NFIA: variants seen among roughly 807,000 people sequenced by gnomAD.
The protein encoded by NFIA is nuclear factor 1 A-type.
Under a neutral mutation model 62.8 loss-of-function variants are expected in NFIA, and 8 were observed. The observed-to-expected ratio is 0.13, with a 90% CI of 0.07 to 0.23. NFIA has a LOEUF of 0.23. Among genes scored for constraint, NFIA ranks in the 10% least tolerant of loss-of-function variants. The pLI is 1.00. For synonymous variants in NFIA, 235 were observed against 238.1 expected (o/e 0.99, Z 0.12); for missense variants, 410 against 642.1 (o/e 0.64, Z 3.91).
chr1:61,409,650 C>T (rs1666008150), intron 9 of NFIA, among the ~76,000 whole-genome samples: 1 of 152,142 alleles, frequency 6.6e-6, no homozygotes, highest in Non-Finnish European at 1.5e-5. Flanking sequence ...AGGGCACTTC[C>T]TAACACTGAA....
At chr1:61,424,502 A>G (rs930530212) in intron 9 of NFIA, among the ~76,000 whole-genome samples, 2 of 152,000 alleles carry the variant, frequency 1.3e-5, no homozygotes, top group African/African-American at 4.8e-5. Context: ...TCAAACATGG[A>G]CTCACGTTTC....
chr1:61,375,037 A>G (rs1285201137), intron 6 of NFIA, among the ~76,000 whole-genome samples: 1 of 152,210 alleles, frequency 6.6e-6, no homozygotes, highest in Non-Finnish European at 1.5e-5. Context: ...TTATGCTCAC[A>G]AGAACAGAAT....
At chr1:61,279,585 C>A (rs1019821813) in intron 3 of NFIA, among the ~76,000 whole-genome samples, 1 of 152,006 alleles carries the variant, frequency 6.6e-6, no homozygotes, top group Non-Finnish European at 1.5e-5. Context: ...TGTGCATAAT[C>A]TCCCTAAAGA....
At chr1:61,413,234 A>G (rs916138831) in intron 9 of NFIA, among the ~76,000 whole-genome samples, 5 of 152,192 alleles carry the variant, frequency 3.3e-5, no homozygotes, top group South Asian at 2.1e-4. Context: ...GTATATATTC[A>G]TTATACAAAT....
chr1:61,182,319 C>G (rs1650810982), intron 2 of NFIA, among the ~76,000 whole-genome samples: 1 of 152,156 alleles, frequency 6.6e-6, no homozygotes, highest in Non-Finnish European at 1.5e-5. Flanking sequence ...GGAAGCTGGA[C>G]TTGATACTAT....
intron 2 of NFIA, among the ~76,000 whole-genome samples, chr1:61,189,075 C>A (rs888657897): frequency 6.6e-6 from 1 of 152,112 alleles, no homozygotes; most frequent in African/African-American, 2.4e-5. Flanking sequence ...TAACTGTAAT[C>A]AAATCAAAGT....
intron 2 of NFIA, among the ~76,000 whole-genome samples, chr1:61,138,915 C>T (rs570911280): frequency 1.0e-3 from 158 of 151,576 alleles, no homozygotes; most frequent in Non-Finnish European, 1.4e-3. Context: ...TGGGGCTGGG[C>T]GCAGTGGCTC....
At chr1:61,429,767 C>T (rs1667021763) in intron 10 of NFIA, among the ~76,000 whole-genome samples, 1 of 152,194 alleles carries the variant, frequency 6.6e-6, no homozygotes, top group Non-Finnish European at 1.5e-5. Flanking sequence ...ACATATGCCA[C>T]AACGTGGATG....
intron 4 of NFIA, 41 bp downstream of exon 4, chr1:61,332,627 G>T: frequency 6.3e-7 from 1 of 1,574,876 alleles, no homozygotes; most frequent in South Asian, 1.1e-5. Flanking sequence ...GATTTGCCTT[G>T]GTTTGTGCTT....
chr1:61,362,184 T>C (rs1262658337), intron 6 of NFIA, among the ~76,000 whole-genome samples: 1 of 152,158 alleles, frequency 6.6e-6, no homozygotes, highest in Non-Finnish European at 1.5e-5. Context: ...AGAGAGCACC[T>C]TTATGTTGTT....
intron 10 of NFIA, among the ~76,000 whole-genome samples, chr1:61,429,090 C>CT (rs1300084997): frequency 3.3e-5 from 5 of 152,182 alleles, no homozygotes; most frequent in Admixed American, 1.3e-4. Context: ...GAAGATGGAA[C>CT]TGATGGGGTC....
chr1:61,209,457 C>T (rs1165489320), intron 2 of NFIA, among the ~76,000 whole-genome samples: 1 of 152,068 alleles, frequency 6.6e-6, no homozygotes, highest in Non-Finnish European at 1.5e-5. Flanking sequence ...TCAAGGTACA[C>T]ATCACAGTAT....
intron 2 of NFIA, among the ~76,000 whole-genome samples, chr1:61,103,097 T>C (rs1269122574): frequency 6.6e-6 from 1 of 152,226 alleles, no homozygotes; most frequent in Non-Finnish European, 1.5e-5. Flanking sequence ...TAAAAGTGGA[T>C]AAATTACCTT....
chr1:61,391,559 G>A (rs1664987674), intron 7 of NFIA, among the ~76,000 whole-genome samples: 1 of 151,144 alleles, frequency 6.6e-6, no homozygotes, highest in Non-Finnish European at 1.5e-5. Context: ...ATATATGTTT[G>A]GTTTTAATTA....
At chr1:61,340,294 A>G (rs11583235) in intron 4 of NFIA, among the ~76,000 whole-genome samples, 7,255 of 152,272 alleles carry the variant, frequency 0.048, 221 homozygotes, top group Admixed American at 0.095. Flanking sequence ...TATGCTTTCT[A>G]TGTGTCAAGT....
intron 2 of NFIA, among the ~76,000 whole-genome samples, chr1:61,148,455 G>A (rs926531999): frequency 6.6e-6 from 1 of 152,078 alleles, no homozygotes; most frequent in African/African-American, 2.4e-5. Flanking sequence ...TCTAGAAGAC[G>A]TTTTAGGAGG....
chr1:61,167,501 C>G (rs939461503), intron 2 of NFIA, among the ~76,000 whole-genome samples: 1 of 152,104 alleles, frequency 6.6e-6, no homozygotes, highest in Non-Finnish European at 1.5e-5. Context: ...CACAGGGTGA[C>G]TTTTATGCTA....
At chr1:61,412,117 G>C (rs1446421874) in intron 9 of NFIA, among the ~76,000 whole-genome samples, 1 of 152,026 alleles carries the variant, frequency 6.6e-6, no homozygotes, top group Admixed American at 6.6e-5. Context: ...TTAAAGCAGG[G>C]AGTTAAAAAG....
At chr1:61,292,686 A>G (rs1014960440) in intron 3 of NFIA, among the ~76,000 whole-genome samples, 1 of 152,218 alleles carries the variant, frequency 6.6e-6, no homozygotes, top group South Asian at 2.1e-4. Context: ...AAGTGTTCAG[A>G]GAAGAGCTTG....
Sources: allele counts gnomAD v4.1 joint callset (sites outside exome capture counted in the v4.1 genomes callset), GRCh38; gene constraint gnomAD v4.1.1; transcripts MANE v1.5; gene names NCBI Gene and HGNC (gene_info 2026-07-23, HGNC 2026-07-21).